Variants in ERP44 observed in about 807,000 individuals in gnomAD.
ERP44 encodes the protein endoplasmic reticulum resident protein 44.
ERP44 carries 25 observed loss-of-function variants against 53.4 expected under a neutral mutation model. The observed-to-expected ratio is 0.47, with a 90% CI of 0.34 to 0.65. The LOEUF is 0.65. Ranked by LOEUF, ERP44 falls within the 30% of genes least tolerant of loss-of-function variation. The pLI is 0.01. For synonymous variants in ERP44, 145 were observed against 161.2 expected, an observed-to-expected ratio of 0.90 and a Z score of 0.76; for missense variants, 338 against 493.2, an observed-to-expected ratio of 0.69 and a Z score of 2.98.
intron 1 of ERP44, among the ~76,000 whole-genome samples, chr9:100,086,562 G>A (rs955930312): frequency 2.6e-5 from 4 of 152,140 alleles, no homozygotes; most frequent in African/African-American, 9.7e-5. Flanking sequence ...TCTCCTACAT[G>A]CCAGACATCA....
chr9:100,082,655 T>A (rs1363432235), intron 1 of ERP44, among the ~76,000 whole-genome samples: 1 of 151,804 alleles, frequency 6.6e-6, no homozygotes, highest in Non-Finnish European at 1.5e-5. Context: ...AAAAAATTGG[T>A]CCTCCACATC....
rs1330548362 is a variant in ERP44, at chr9:100,065,995, GCCACGC to G, written c.58-5829_58-5824del. ...TATTTAAAGTGTGGTCTCTGAAACT[GCCACGC>G]TGGTATCACCTAGGAGCTTGTGAGA... On this transcript the variant is annotated intron_variant, in intron 1 of 11. Transcript: ENST00000262455. 2.0e-5 allele frequency among the ~76,000 whole-genome samples: 3 copies of G among 152,180 alleles called. No individual in the cohort carries two copies. In the East Asian group the frequency reaches 5.8e-4, roughly 29 times the overall value.
chr9:100,061,617 T>C, intron 1 of ERP44, among the ~76,000 whole-genome samples: 1 of 147,524 alleles, frequency 6.8e-6, no homozygotes, highest in African/African-American at 2.5e-5. Context: ...TTTATAGAAA[T>C]ATATATAAAT....
intron 1 of ERP44, among the ~76,000 whole-genome samples, chr9:100,065,781 C>T (rs570315838): frequency 2.6e-5 from 4 of 152,120 alleles, no homozygotes; most frequent in Non-Finnish European, 5.9e-5. Flanking sequence ...ACTTTCAGGA[C>T]TAGAGGCTAA....
intron 1 of ERP44, among the ~76,000 whole-genome samples, chr9:100,097,581 G>A (rs1236048485): frequency 6.6e-6 from 1 of 152,132 alleles, no homozygotes; most frequent in African/African-American, 2.4e-5. Context: ...ATACTTATAA[G>A]AAGTGGCAAT....
intron 4 of ERP44, among the ~76,000 whole-genome samples, chr9:100,042,148 C>T (rs1373098540): frequency 1.3e-5 from 2 of 152,064 alleles, no homozygotes; most frequent in Admixed American, 6.5e-5. Context: ...AAAATATTTG[C>T]CAACTATCCA....
intron 4 of ERP44, among the ~76,000 whole-genome samples, chr9:100,026,339 G>A (rs1406720509): frequency 6.6e-6 from 1 of 152,148 alleles, no homozygotes; most frequent in Non-Finnish European, 1.5e-5. Flanking sequence ...AGATTTTGAA[G>A]CCACAAAGAT....
chr9:99,988,889 T>G (rs1416687631), intron 10 of ERP44, among the ~76,000 whole-genome samples: 2 of 152,250 alleles, frequency 1.3e-5, no homozygotes, highest in African/African-American at 4.8e-5. Flanking sequence ...ATCCCACACC[T>G]GGCTCAGTGG....
intron 10 of ERP44, among the ~76,000 whole-genome samples, chr9:99,991,259 G>A (rs1232206456): frequency 6.6e-6 from 1 of 152,132 alleles, no homozygotes; most frequent in African/African-American, 2.4e-5. Flanking sequence ...TGACCACATA[G>A]TTGGAAGTAA....
At chr9:100,064,622 G>A (rs1291385106) in intron 1 of ERP44, among the ~76,000 whole-genome samples, 2 of 152,066 alleles carry the variant, frequency 1.3e-5, no homozygotes, top group South Asian at 2.1e-4. Context: ...TCTTTGGTAC[G>A]ATTTCCAGGC....
intron 3 of ERP44, 33 bp downstream of exon 3, chr9:100,057,787 A>ATAAAAC (rs771101388): frequency 6.4e-7 from 1 of 1,571,702 alleles, no homozygotes; most frequent in African/African-American, 1.4e-5. Context: ...GCAAGTAAAA[A>ATAAAAC]CAAAACCAAA....
At chr9:100,039,660 G>C (rs1825882131) in intron 4 of ERP44, among the ~76,000 whole-genome samples, 1 of 151,698 alleles carries the variant, frequency 6.6e-6, no homozygotes, top group Non-Finnish European at 1.5e-5. Flanking sequence ...TAGAAGAAAA[G>C]AAATAATAAA....
intron 1 of ERP44, among the ~76,000 whole-genome samples, chr9:100,065,232 T>C (rs1826197043): frequency 6.6e-6 from 1 of 152,190 alleles, no homozygotes; most frequent in Admixed American, 6.5e-5. Context: ...ACAAATACCA[T>C]TGTATTACAA....
At chr9:100,067,608 G>A (rs970092864) in intron 1 of ERP44, among the ~76,000 whole-genome samples, 2 of 152,092 alleles carry the variant, frequency 1.3e-5, no homozygotes, top group African/African-American at 4.8e-5. Flanking sequence ...CTGCCCGGCC[G>A]CCACCCCGTC....
At chr9:99,993,933 T>C (rs1830283160) in intron 10 of ERP44, among the ~76,000 whole-genome samples, 2 of 152,070 alleles carry the variant, frequency 1.3e-5, no homozygotes, top group Non-Finnish European at 2.9e-5. Flanking sequence ...ATCAGAGAAA[T>C]GCAAATCAAA....
intron 1 of ERP44, among the ~76,000 whole-genome samples, chr9:100,061,523 G>C (rs1203376275): frequency 1.5e-5 from 2 of 135,730 alleles, no homozygotes; most frequent in Admixed American, 1.4e-4. Context: ...TATATTTATA[G>C]AAACGTATAT....
intron 8 of ERP44, among the ~76,000 whole-genome samples, chr9:100,010,930 AAAAG>A (rs1284300331): frequency 2.0e-5 from 3 of 151,936 alleles, no homozygotes; most frequent in South Asian, 4.1e-4. Context: ...AAAAGCAAAA[AAAAG>A]AAAGCCAGGA....
chr9:100,009,675 G>A lies in ERP44; in HGVS notation c.763-1986C>T, dbSNP rs142639235. ...TTTTGATCACTACTTCTAACTGATC[G>A]CTTATCTGTGTCTACAAGCCCAGCT... is the stretch of plus-strand genomic sequence containing the variant. On this transcript the variant is annotated intron_variant, in intron 8 of 11. Coordinates refer to ENST00000262455, the MANE Select transcript of ERP44 (RefSeq NM_015051.3). Among the ~76,000 whole-genome samples, 1,225 of 152,188 alleles carry A rather than the reference G, an allele frequency of 8.0e-3. 20 individuals carry two copies. The highest frequency in any genetic ancestry group is 0.028 in the African/African-American group (1,158 of 41,496).
chr9:100,037,167 G>C (rs560644895), intron 4 of ERP44, among the ~76,000 whole-genome samples: 27 of 152,288 alleles, frequency 1.8e-4, no homozygotes, highest in African/African-American at 6.5e-4. Flanking sequence ...AATAAACAGT[G>C]ATTGGGAGAA....
Sources: gnomAD v4.1 joint callset for allele counts (sites outside exome capture counted in the v4.1 genomes callset) on GRCh38, gnomAD v4.1.1 for gene constraint, MANE v1.5 for transcripts, NCBI Gene and HGNC (gene_info 2026-07-23, HGNC 2026-07-21) for gene names.